Variants in TMEM94 observed in about 807,000 individuals in gnomAD.
TMEM94 encodes transmembrane protein 94.
A neutral mutation model predicts 158.6 loss-of-function variants in TMEM94; 81 were observed. That is an observed-to-expected ratio of 0.51 (90% CI 0.43 to 0.61). The LOEUF is 0.61. Among genes scored for constraint, TMEM94 ranks in the 20% least tolerant of loss-of-function variants. The probability of loss-of-function intolerance (pLI) is 0.00; values close to 1 mark genes in which losing one functional copy is unlikely to be tolerated. For synonymous variants in TMEM94, 751 were observed against 730.7 expected (o/e 1.03, Z -0.45); for missense variants, 1,435 against 1,762.0 (o/e 0.81, Z 3.32).
intron 5 of TMEM94, among the ~76,000 whole-genome samples, chr17:75,486,791 G>A (rs898660005): frequency 6.6e-6 from 1 of 152,226 alleles, no homozygotes; most frequent in African/African-American, 2.4e-5. Context: ...GACATGGGAA[G>A]GTGGGCAGAC....
In TMEM94 at chr17:75,487,905, T is replaced by C; in HGVS notation, c.410-27T>C. 2 of 1,583,434 alleles carry C rather than the reference T, an allele frequency of 1.3e-6. No homozygotes were observed. Among genetic ancestry groups the C allele is most frequent in the Non-Finnish European group, 1.7e-6 (2 of 1,153,240 alleles). ...GGGGGCAGGGCCGTGGCTGAGAGGG[T>C]TGTTTCCCTCTTTCCATTCCCCTCA... On this transcript the variant is annotated intron_variant, in intron 5 of 31. Coordinates refer to ENST00000314256, the MANE Select transcript of TMEM94 (RefSeq NM_014738.6). The surrounding 1 kb of genome is among the most constrained non-coding windows in gnomAD (Gnocchi z 4.6).
chr17:75,498,162 C>T lies in TMEM94; in HGVS notation c.3490-13C>T. On this transcript the variant is annotated splice_polypyrimidine_tract_variant and intron_variant, in intron 27 of 31. Coordinates refer to ENST00000314256, the MANE Select transcript of TMEM94 (RefSeq NM_014738.6). The surrounding 1 kb of genome is among the most constrained non-coding windows in gnomAD (Gnocchi z 6.7). The stretch of plus-strand genomic sequence containing the variant: ...GCTGTGCGCCCCAGGAGTGACTGGC[C>T]TTGTTCCCGCAGACCCAGCACTACT... The T allele has an allele frequency of 1.9e-6, 3 of 1,613,618 alleles. No individual in the cohort carries two copies. The highest frequency in any genetic ancestry group is 2.5e-6 in the Non-Finnish European group (3 of 1,179,924).
chr17:75,498,389 C>A lies in TMEM94; in HGVS notation c.3639-55C>A. ...CCTCGAGGCTTCCTCCCTCCCCACC[C>A]CAGCCTACCTCCCTGCGGCCCTAGA... On this transcript the variant is annotated intron_variant, in intron 28 of 31. Transcript: ENST00000314256. This position sits in a 1 kb window ranked among gnomAD's most constrained non-coding sequence, Gnocchi z 6.7. 1.2e-6 allele frequency: 2 copies of A among 1,611,044 alleles called. No homozygotes were observed. Among genetic ancestry groups the A allele is most frequent in the Admixed American group, 1.7e-5 (1 of 59,956 alleles).
In TMEM94 at chr17:75,485,897, C is replaced by T; in HGVS notation, c.171C>T (p.His57=). ...AGGTGTGGAGAAGCAGCTTCCTCCA[C>T]CACAGTAACCGCTGCTCCTGCTTCC... ...WKEVWRSSFL[H]HSNRCSCFHW... The change falls in exon 4 of 32, where the codon CAC becomes CAT. Residue 57 remains histidine, a synonymous_variant. Coordinates refer to ENST00000314256, the MANE Select transcript of TMEM94 (RefSeq NM_014738.6). The surrounding 1 kb of genome is among the most constrained non-coding windows in gnomAD (Gnocchi z 5.5). The T allele has an allele frequency of 6.2e-7, 1 of 1,613,212 alleles. No individual in the cohort carries two copies. Among genetic ancestry groups the T allele is most frequent in the South Asian group, 1.1e-5 (1 of 90,880 alleles).
chr17:75,498,756 G>T lies in TMEM94; in HGVS notation c.3827+34G>T. Reference sequence around the variant, plus strand: ...TGCTAGGATGGAGGGCGGAGTGTGGGCTGGGGAGGAGAGGGCCTTCTGCAG... The same window carrying T: ...TGCTAGGATGGAGGGCGGAGTGTGGTCTGGGGAGGAGAGGGCCTTCTGCAG... On this transcript the variant is annotated intron_variant, in intron 30 of 31. Coordinates refer to ENST00000314256, the MANE Select transcript of TMEM94 (RefSeq NM_014738.6). This position sits in a 1 kb window ranked among gnomAD's most constrained non-coding sequence, Gnocchi z 6.7. The T allele has an allele frequency of 6.5e-7, 1 of 1,537,674 alleles. No homozygotes were observed.
At position 75,498,520 on chromosome 17, in the gene TMEM94, CTGA is replaced by C; in HGVS notation, c.3717_3719del (p.Ile1240del). 1.2e-6 allele frequency: 2 copies of C among 1,606,350 alleles called. No homozygotes were observed. The highest frequency in any genetic ancestry group is 1.7e-6 in the Non-Finnish European group (2 of 1,175,786). On this transcript the variant is annotated inframe_deletion, in exon 29 of 32. Transcript: ENST00000314256. This position sits in a 1 kb window ranked among gnomAD's most constrained non-coding sequence, Gnocchi z 6.7. Reference sequence around the variant, plus strand: ...GTCGGCTCAGAAGCTCACGGCCGCCCTGATTGTCCTGCACACTGGTGAGAGGGC... The same window carrying C: ...GTCGGCTCAGAAGCTCACGGCCGCCCTTGTCCTGCACACTGGTGAGAGGGC...
At position 75,496,091 on chromosome 17, in the gene TMEM94, G is replaced by A. The variant is rs370320204; in HGVS notation, c.3053+17G>A. ...CGACATCAGGTCAGGGCGGGACCCT[G>A]GAGCCTGCGGGCCAGCCTCTACCTC... On this transcript the variant is annotated intron_variant, in intron 23 of 31. Transcript: ENST00000314256. 6 of 1,588,000 alleles carry A rather than the reference G, an allele frequency of 3.8e-6. No individual in the cohort carries two copies. The African/African-American group carries it at 5.4e-5, about 14-fold the overall frequency.
intron 5 of TMEM94, among the ~76,000 whole-genome samples, chr17:75,486,651 G>A (rs1234512900): frequency 6.6e-6 from 1 of 152,196 alleles, no homozygotes; most frequent in Non-Finnish European, 1.5e-5. Flanking sequence ...AGGCAGGAAG[G>A]CCAACAGTGG....
At chr17:75,497,735 C>A (rs754871996) in intron 26 of TMEM94, 46 bp from the exon 27 acceptor site, 10 of 1,480,892 alleles carry the variant, frequency 6.8e-6, no homozygotes, top group Non-Finnish European at 8.5e-6. Context: ...AATTGAGGGA[C>A]AGAGGGTCAT....
At chr17:75,464,789 A>G (rs764738984) in intron 1 of TMEM94, among the ~76,000 whole-genome samples, 72 of 150,538 alleles carry the variant, frequency 4.8e-4, no homozygotes, top group Non-Finnish European at 9.5e-4. Flanking sequence ...GCTCACTGCA[A>G]CCTCCGCCTC....
At chr17:75,465,675 A>G (rs1403645495) in intron 1 of TMEM94, among the ~76,000 whole-genome samples, 1 of 77,118 alleles carries the variant, frequency 1.3e-5, no homozygotes, top group Admixed American at 1.1e-4. Flanking sequence ...ATATATATAT[A>G]TATATTTTTT....
intron 1 of TMEM94, among the ~76,000 whole-genome samples, chr17:75,461,945 A>C (rs62091794): frequency 0.18 from 25,207 of 143,792 alleles, 4,200 homozygotes; most frequent in African/African-American, 0.42. Context: ...ATGTAACCCA[A>C]AGTCACAAAG....
chr17:75,473,442 A>G (rs1023235215), intron 2 of TMEM94, among the ~76,000 whole-genome samples: 2 of 152,220 alleles, frequency 1.3e-5, no homozygotes, highest in African/African-American at 4.8e-5. Flanking sequence ...CTGTTATGCA[A>G]TGCGGTGGCC....
At chr17:75,494,868 T>C (rs776020446) in intron 19 of TMEM94, 28 bp from the exon 20 acceptor site, 2 of 1,613,226 alleles carry the variant, frequency 1.2e-6, no homozygotes, top group South Asian at 2.2e-5. Context: ...TTTGGGCCCG[T>C]ATGTTCATGG....
chr17:75,481,252 G>T (rs2051137256), intron 2 of TMEM94, among the ~76,000 whole-genome samples: 1 of 152,258 alleles, frequency 6.6e-6, no homozygotes, highest in Non-Finnish European at 1.5e-5. Flanking sequence ...GTGCGTTGGA[G>T]CACAGTATTT....
At chr17:75,465,528 T>C (rs535070602) in intron 1 of TMEM94, among the ~76,000 whole-genome samples, 67 of 151,742 alleles carry the variant, frequency 4.4e-4, no homozygotes, top group African/African-American at 1.6e-3. Context: ...ACTCTTGAGC[T>C]CAAGTGATCC....
intron 2 of TMEM94, among the ~76,000 whole-genome samples, chr17:75,475,966 C>T (rs1036553620): frequency 5.3e-5 from 8 of 152,178 alleles, no homozygotes; most frequent in Non-Finnish European, 1.0e-4. Context: ...ATCTTCTCAG[C>T]GGCCAGTCCA....
intron 2 of TMEM94, among the ~76,000 whole-genome samples, chr17:75,484,808 G>A (rs1283218077): frequency 2.0e-5 from 3 of 152,016 alleles, no homozygotes; most frequent in South Asian, 2.1e-4. Flanking sequence ...AGGCCAAGGC[G>A]GGCAGATCAC....
chr17:75,467,453 T>A (rs545122140), intron 1 of TMEM94, among the ~76,000 whole-genome samples: 1 of 151,868 alleles, frequency 6.6e-6, no homozygotes, highest in Admixed American at 6.5e-5. Context: ...ATACAATTGA[T>A]CTTGTCTTCT....
Sources: gnomAD v4.1 joint callset for allele counts (sites outside exome capture counted in the v4.1 genomes callset) on GRCh38, gnomAD v4.1.1 for gene constraint, Gnocchi (gnomAD v3.1) non-coding constraint, MANE v1.5 for transcripts, NCBI Gene and HGNC (gene_info 2026-07-23, HGNC 2026-07-21) for gene names.